PAK1: variants seen among roughly 807,000 people sequenced by gnomAD.
The protein encoded by PAK1 is p21 (RAC1) activated kinase 1, also known as serine/threonine-protein kinase PAK 1.
PAK1 carries 29 observed loss-of-function variants against 67.4 expected under a neutral mutation model. The ratio of observed to expected loss-of-function variants is 0.43; its 90% confidence interval spans 0.32 to 0.59. The LOEUF (loss-of-function observed/expected upper bound fraction) is 0.59. Among genes scored for constraint, PAK1 ranks in the 20% least tolerant of loss-of-function variants. The pLI is 0.07. For synonymous variants in PAK1, 223 were observed against 237.4 expected (o/e 0.94, Z 0.56); for missense variants, 337 against 670.7 (o/e 0.50, Z 5.50).
At chr11:77,351,151 GAC>G (rs1291321084) in intron 8 of PAK1, among the ~76,000 whole-genome samples, 3 of 152,152 alleles carry the variant, frequency 2.0e-5, no homozygotes, top group Non-Finnish European at 2.9e-5. Context: ...ATATTGGTGT[GAC>G]AGTTATATTT....
At chr11:77,358,870 A>G in intron 6 of PAK1, 28 bp downstream of exon 6, 1 of 1,612,532 alleles carries the variant, frequency 6.2e-7, no homozygotes, top group Non-Finnish European at 8.5e-7. Context: ...AATAAATCAC[A>G]AAACTGGCCA....
intron 1 of PAK1, among the ~76,000 whole-genome samples, chr11:77,427,446 A>G (rs1955609251): frequency 6.6e-6 from 1 of 152,216 alleles, no homozygotes; most frequent in African/African-American, 2.4e-5. Context: ...ATTTTCTCAG[A>G]AAGAGCTCTG....
At chr11:77,356,825 G>A (rs1946096912) in intron 6 of PAK1, among the ~76,000 whole-genome samples, 1 of 152,146 alleles carries the variant, frequency 6.6e-6, no homozygotes, top group Non-Finnish European at 1.5e-5. Context: ...AAGGCAGAAA[G>A]TGATACATGT....
chr11:77,491,913 A>C, the PAK1 span, among the ~76,000 whole-genome samples: 1 of 152,230 alleles, frequency 6.6e-6, no homozygotes, highest in Non-Finnish European at 1.5e-5. Context: ...TGGATCAAAA[A>C]CAAGACCAAT....
chr11:77,505,538 C>G, the PAK1 span, among the ~76,000 whole-genome samples: 31 of 152,280 alleles, frequency 2.0e-4, no homozygotes, highest in African/African-American at 7.5e-4. Context: ...AACTGAAACT[C>G]CATATCCATT....
chr11:77,486,864 C>T, the PAK1 span, among the ~76,000 whole-genome samples: 1 of 20,032 alleles, frequency 5.0e-5, no homozygotes, highest in Non-Finnish European at 8.8e-5. Flanking sequence ...ACTTGAGAGG[C>T]AGTCTAAGCC....
the PAK1 span, among the ~76,000 whole-genome samples, chr11:77,524,962 T>C: frequency 6.6e-6 from 1 of 152,194 alleles, no homozygotes; most frequent in African/African-American, 2.4e-5. Context: ...ATCCTGGACT[T>C]ACAAACAAAT....
At chr11:77,404,043 C>T (rs369685234) in intron 1 of PAK1, among the ~76,000 whole-genome samples, 1 of 152,182 alleles carries the variant, frequency 6.6e-6, no homozygotes, top group South Asian at 2.1e-4. Flanking sequence ...CACGGAATAA[C>T]ACAGCAAGAA....
intron 1 of PAK1, among the ~76,000 whole-genome samples, chr11:77,402,788 C>T (rs549894865): frequency 2.0e-5 from 3 of 152,312 alleles, no homozygotes; most frequent in African/African-American, 7.2e-5. Flanking sequence ...GTGTCAAAAA[C>T]CATAGCATGA....
At chr11:77,503,761 A>G in the PAK1 span, among the ~76,000 whole-genome samples, 3 of 152,218 alleles carry the variant, frequency 2.0e-5, no homozygotes, top group Non-Finnish European at 4.4e-5. Context: ...GCTACTCTGG[A>G]GGAACACTTG....
chr11:77,494,198 CAT>C, the PAK1 span, among the ~76,000 whole-genome samples: 1 of 152,132 alleles, frequency 6.6e-6, no homozygotes, highest in Non-Finnish European at 1.5e-5. Flanking sequence ...ACTGTAACCT[CAT>C]AAATCTGGAA....
At chr11:77,381,405 C>A (rs1472102722) in intron 2 of PAK1, among the ~76,000 whole-genome samples, 1 of 152,146 alleles carries the variant, frequency 6.6e-6, no homozygotes, top group African/African-American at 2.4e-5. Flanking sequence ...TCACCACAAT[C>A]CTGAGGTAAG....
chr11:77,469,217 T>G (rs1472499477), intron 1 of PAK1, among the ~76,000 whole-genome samples: 1 of 152,206 alleles, frequency 6.6e-6, no homozygotes, highest in Non-Finnish European at 1.5e-5. Context: ...ATTGTTGGTC[T>G]GCCACTTACT....
At chr11:77,403,563 CT>C (rs1953007710) in intron 1 of PAK1, among the ~76,000 whole-genome samples, 2 of 152,170 alleles carry the variant, frequency 1.3e-5, no homozygotes, top group Admixed American at 1.3e-4. Flanking sequence ...AGTCCCCTGC[CT>C]TTTTTTCCTC....
the PAK1 span, among the ~76,000 whole-genome samples, chr11:77,503,915 G>A: frequency 9.5e-4 from 144 of 152,170 alleles, no homozygotes; most frequent in African/African-American, 3.4e-3. Context: ...TTGAGATGGA[G>A]TCTCCTCTCT....
At chr11:77,364,096 T>G (rs1947171840) in intron 5 of PAK1, among the ~76,000 whole-genome samples, 1 of 152,256 alleles carries the variant, frequency 6.6e-6, no homozygotes, top group South Asian at 2.1e-4. Context: ...AGCCTGAAGC[T>G]ACAGTCCTGA....
chr11:77,454,792 C>G (rs1431159578), intron 1 of PAK1, among the ~76,000 whole-genome samples: 3 of 152,158 alleles, frequency 2.0e-5, no homozygotes, highest in Non-Finnish European at 4.4e-5. Flanking sequence ...ACATCCAAAC[C>G]AAACATGGTA....
chr11:77,448,062 A>G (rs1004268342), intron 1 of PAK1, among the ~76,000 whole-genome samples: 7 of 152,208 alleles, frequency 4.6e-5, no homozygotes, highest in African/African-American at 1.4e-4. Context: ...GAGTCAGAAG[A>G]ATAGTTCCAA....
At chr11:77,393,443 C>T (rs118025654) in intron 1 of PAK1, among the ~76,000 whole-genome samples, 1,604 of 152,046 alleles carry the variant, frequency 0.011, 9 homozygotes, top group Non-Finnish European at 0.015. Flanking sequence ...TACAGGCATG[C>T]GCCACCATGC....
Sources: allele counts gnomAD v4.1 joint callset (sites outside exome capture counted in the v4.1 genomes callset), GRCh38; gene constraint gnomAD v4.1.1; transcripts MANE v1.5; gene names NCBI Gene and HGNC (gene_info 2026-07-23, HGNC 2026-07-21).